Variants in CFAP58 observed in about 807,000 individuals in gnomAD.
CFAP58 encodes the protein cilia and flagella associated protein 58, also known as cilia- and flagella-associated protein 58.
Under a neutral mutation model 119.5 loss-of-function variants are expected in CFAP58, and 88 were observed. That is an observed-to-expected ratio of 0.74 (90% CI 0.62 to 0.88). CFAP58 has a LOEUF of 0.88. Among genes scored for constraint, CFAP58 ranks in the 40% least tolerant of loss-of-function variants. The pLI is 0.00. For missense variants in CFAP58, 990 were observed against 1,021.2 expected (o/e 0.97, Z 0.42); for synonymous variants, 365 against 366.3 (o/e 1.00, Z 0.04).
At chr10:104,439,704 T>TAACAACAAC (rs60040374) in intron 15 of CFAP58, among the ~76,000 whole-genome samples, 1,820 of 151,282 alleles carry the variant, frequency 0.012, 53 homozygotes, top group African/African-American at 0.041. Flanking sequence ...GACTCTGTCT[T>TAACAACAAC]AACAACAACA....
intron 8 of CFAP58, 86 bp downstream of exon 8, chr10:104,376,979 A>G (rs1271009263): frequency 9.6e-7 from 1 of 1,042,780 alleles, no homozygotes; most frequent in Non-Finnish European, 1.4e-6. Context: ...TGGGAAAAGA[A>G]AACTCCGAGG....
intron 7 of CFAP58, among the ~76,000 whole-genome samples, chr10:104,372,377 A>AG (rs771218268): frequency 5.9e-5 from 9 of 152,138 alleles, no homozygotes; most frequent in Non-Finnish European, 8.8e-5. Flanking sequence ...AAAAAGAGAG[A>AG]GAAAAAAAAG....
chr10:104,360,588 GCCTAGTAT>G (rs1196301392), intron 2 of CFAP58, among the ~76,000 whole-genome samples: 2 of 152,130 alleles, frequency 1.3e-5, no homozygotes, highest in African/African-American at 2.4e-5. Flanking sequence ...CAGGTATTAA[GCCTAGTAT>G]CCATTTGTTA....
intron 17 of CFAP58, among the ~76,000 whole-genome samples, chr10:104,452,842 C>T (rs1236948201): frequency 1.3e-5 from 2 of 152,154 alleles, no homozygotes; most frequent in South Asian, 2.1e-4. Context: ...TACTAGTAGC[C>T]ACTCTGACCT....
intron 4 of CFAP58, 96 bp from the exon 5 acceptor site, chr10:104,365,718 C>G: frequency 9.2e-7 from 1 of 1,090,810 alleles, no homozygotes; most frequent in Non-Finnish European, 1.3e-6. Context: ...GCTGCCTTGA[C>G]AATCACAGAC....
At chr10:104,398,296 G>T (rs1363685222) in intron 11 of CFAP58, among the ~76,000 whole-genome samples, 1 of 152,184 alleles carries the variant, frequency 6.6e-6, no homozygotes, top group African/African-American at 2.4e-5. Flanking sequence ...TGGAACTCTT[G>T]GGTGGTGACA....
Position 104,393,481 on chromosome 10 carries a change from G to T in CFAP58, c.1674+6G>T. Reference sequence around the variant, plus strand: ...AGGAAAAGGAAACATTGAAGGTACTGACCTCATAGTAAAAGCAAAGTACCA... The same window carrying T: ...AGGAAAAGGAAACATTGAAGGTACTTACCTCATAGTAAAAGCAAAGTACCA... On this transcript the variant is annotated splice_donor_region_variant and intron_variant, in intron 11 of 17. Coordinates refer to ENST00000369704, the MANE Select transcript of CFAP58 (RefSeq NM_001008723.2). The T allele has an allele frequency of 6.2e-7, 1 of 1,609,960 alleles. No individual in the cohort carries two copies. The highest frequency in any genetic ancestry group is 1.1e-5 in the South Asian group (1 of 90,724).
At chr10:104,399,607 T>C in intron 12 of CFAP58, 107 bp downstream of exon 12, 1 of 1,174,430 alleles carries the variant, frequency 8.5e-7, no homozygotes, top group Non-Finnish European at 1.2e-6. Flanking sequence ...CCAGCCCTAT[T>C]GGAAGAACAG....
chr10:104,365,342 C>A (rs2014727530), intron 4 of CFAP58, among the ~76,000 whole-genome samples: 1 of 152,164 alleles, frequency 6.6e-6, no homozygotes. Flanking sequence ...AAACATGAGA[C>A]TTCTTTGAAC....
In CFAP58 at chr10:104,401,854, A is replaced by C. The variant is rs533707606; in HGVS notation, c.2039+951A>C. 3.3e-5 allele frequency among the ~76,000 whole-genome samples: 5 copies of C among 152,274 alleles called. No homozygotes were observed. In the East Asian group the frequency reaches 9.6e-4, roughly 29 times the overall value. Reference sequence around the variant, plus strand: ...TGAGAAATGCAGAAAAAATATAAAGAAGGGATTAGAAAATCACTCATAACT... The same window carrying C: ...TGAGAAATGCAGAAAAAATATAAAGCAGGGATTAGAAAATCACTCATAACT... On this transcript the variant is annotated intron_variant, in intron 13 of 17. Coordinates refer to ENST00000369704, the MANE Select transcript of CFAP58 (RefSeq NM_001008723.2).
At chr10:104,372,215 T>C (rs1384091264) in intron 7 of CFAP58, among the ~76,000 whole-genome samples, 10 of 152,150 alleles carry the variant, frequency 6.6e-5, no homozygotes. Context: ...TAGCTGGGCA[T>C]GGTAGCGGGT....
chr10:104,356,190 T>A (rs12257848), intron 1 of CFAP58, among the ~76,000 whole-genome samples: 2,640 of 152,360 alleles, frequency 0.017, 72 homozygotes, highest in African/African-American at 0.058. Context: ...TACAAAATGC[T>A]ATAGATATGC....
At chr10:104,374,863 A>G (rs1352589823) in intron 7 of CFAP58, among the ~76,000 whole-genome samples, 3 of 150,828 alleles carry the variant, frequency 2.0e-5, no homozygotes, top group Non-Finnish European at 4.4e-5. Context: ...AAAAAAAAAG[A>G]AAAAGAAGCA....
chr10:104,416,239 T>C (rs542515062), intron 15 of CFAP58, among the ~76,000 whole-genome samples: 2 of 152,336 alleles, frequency 1.3e-5, no homozygotes, highest in Non-Finnish European at 2.9e-5. Context: ...CACTACCTAA[T>C]GAACAGTGAC....
At chr10:104,343,483 C>T in the CFAP58 span, among the ~76,000 whole-genome samples, 26 of 152,328 alleles carry the variant, frequency 1.7e-4, no homozygotes, top group East Asian at 9.6e-4. Flanking sequence ...TATCAACTCA[C>T]GTGGTAGGAA....
In CFAP58 at chr10:104,368,977, T is replaced by C. The variant is rs1466972295; in HGVS notation, c.930+417T>C. On this transcript the variant is annotated intron_variant, in intron 6 of 17. Transcript: ENST00000369704. ...TACTACCTAGGGTCTACTTACAGGA[T>C]TGTGGAATCATGATTTTCACTTCTG... Among the ~76,000 whole-genome samples the C allele has an allele frequency of 4.6e-5, 7 of 152,308 alleles. No individual in the cohort carries two copies. In the East Asian group the frequency reaches 7.7e-4, roughly 17 times the overall value.
intron 15 of CFAP58, among the ~76,000 whole-genome samples, chr10:104,435,311 A>G (rs1168625338): frequency 1.3e-5 from 2 of 152,174 alleles, no homozygotes; most frequent in Non-Finnish European, 2.9e-5. Context: ...GCAAAACCCC[A>G]TCTCTACCAA....
At chr10:104,360,461 G>A (rs571966385) in intron 2 of CFAP58, among the ~76,000 whole-genome samples, 9 of 151,610 alleles carry the variant, frequency 5.9e-5, no homozygotes, top group African/African-American at 1.7e-4. Flanking sequence ...CAAGAGGGGC[G>A]GGGGGGAGGT....
At position 104,399,448 on chromosome 10, in the gene CFAP58, T is replaced by A. The variant is rs2012222437; in HGVS notation, c.1763T>A (p.Ile588Lys). 1.2e-6 allele frequency: 2 copies of A among 1,614,000 alleles called. No individual in the cohort carries two copies. The highest frequency in any genetic ancestry group is 8.5e-7 in the Non-Finnish European group (1 of 1,179,930). Reference sequence around the variant, plus strand: ...GCTGAAGAGAGAAAACTCCTGCGAATAATTGCTGAGGCTGACGGGGAGAGG... The same window carrying A: ...GCTGAAGAGAGAAAACTCCTGCGAAAAATTGCTGAGGCTGACGGGGAGAGG... ...QEAEERKLLR[I>K]IAEADGERLR... Residue 588 changes from isoleucine to lysine, a missense_variant, in exon 12 of 18, where the codon ATA becomes AAA. Transcript: ENST00000369704.
Sources: gnomAD v4.1 joint callset for allele counts (sites outside exome capture counted in the v4.1 genomes callset) on GRCh38, gnomAD v4.1.1 for gene constraint, MANE v1.5 for transcripts, NCBI Gene and HGNC (gene_info 2026-07-23, HGNC 2026-07-21) for gene names.